AXL: variants seen among roughly 807,000 people sequenced by gnomAD.
AXL encodes the protein tyrosine-protein kinase receptor UFO.
Under a neutral mutation model 104.5 loss-of-function variants are expected in AXL, and 52 were observed. The observed-to-expected ratio is 0.50, with a 90% CI of 0.40 to 0.63. AXL has a LOEUF of 0.63. Among genes scored for constraint, AXL ranks in the 20% least tolerant of loss-of-function variants. AXL has a pLI of 0.00. For missense variants in AXL, 1,024 were observed against 1,188.5 expected (o/e 0.86, Z 2.04); for synonymous variants, 455 against 473.7 (o/e 0.96, Z 0.51).
chr19:41,257,687 C>G, intron 19 of AXL, 58 bp downstream of exon 19: 1 of 1,606,932 alleles, frequency 6.2e-7, no homozygotes, highest in Non-Finnish European at 8.5e-7. Flanking sequence ...TGACTACCCC[C>G]AGATGGCCCT....
At chr19:41,237,848 T>A (rs568741026) in intron 6 of AXL, 96 bp from the exon 7 acceptor site, 118 of 1,185,908 alleles carry the variant, frequency 1.0e-4, no homozygotes, top group Middle Eastern at 3.8e-4. Context: ...CCTTGAAAAG[T>A]TGTGTAGTCA....
chr19:41,238,956 G>A (rs548652827), intron 8 of AXL, among the ~76,000 whole-genome samples: 82 of 152,172 alleles, frequency 5.4e-4, no homozygotes, highest in African/African-American at 1.9e-3. Context: ...CTGACATAGG[G>A]AGGGAGGATG....
At chr19:41,220,923 G>A in intron 2 of AXL, 65 bp downstream of exon 2, 2 of 1,556,296 alleles carry the variant, frequency 1.3e-6, no homozygotes, top group Non-Finnish European at 1.8e-6. Flanking sequence ...AAGCCCACCT[G>A]GGTGGGAACC....
chr19:41,227,097 C>CA (rs2033894740), intron 4 of AXL, among the ~76,000 whole-genome samples: 1 of 151,930 alleles, frequency 6.6e-6, no homozygotes, highest in Non-Finnish European at 1.5e-5. Flanking sequence ...GAACCTGTCT[C>CA]AAAAAACAAA....
intron 4 of AXL, among the ~76,000 whole-genome samples, chr19:41,224,884 G>T (rs1462938896): frequency 6.6e-6 from 1 of 152,106 alleles, no homozygotes; most frequent in Non-Finnish European, 1.5e-5. Context: ...CATGACCTAA[G>T]GATGCTTACC....
At chr19:41,224,017 T>C (rs1203308718) in intron 4 of AXL, among the ~76,000 whole-genome samples, 5 of 151,812 alleles carry the variant, frequency 3.3e-5, no homozygotes, top group African/African-American at 1.2e-4. Context: ...TCAGCTTGGA[T>C]TCTGTCCCAA....
chr19:41,248,913 C>G (rs922273595), intron 14 of AXL, 93 bp downstream of exon 14: 3 of 1,347,270 alleles, frequency 2.2e-6, no homozygotes, highest in Non-Finnish European at 3.0e-6. Flanking sequence ...CTTAGAACTT[C>G]TGGTGTTTCC....
chr19:41,222,656 C>G (rs1454610902), intron 4 of AXL, among the ~76,000 whole-genome samples: 1 of 152,148 alleles, frequency 6.6e-6, no homozygotes, highest in Non-Finnish European at 1.5e-5. Context: ...CCTGTAATCC[C>G]AGCACTTTGG....
intron 14 of AXL, 39 bp from the exon 15 acceptor site, chr19:41,252,312 T>A (rs761162164): frequency 3.2e-6 from 5 of 1,541,026 alleles, no homozygotes; most frequent in Non-Finnish European, 1.8e-6. Context: ...GTCCTCCCTC[T>A]CCTCCCCTCC....
chr19:41,234,987 G>A (rs993025654), intron 6 of AXL, among the ~76,000 whole-genome samples: 4 of 152,194 alleles, frequency 2.6e-5, no homozygotes, highest in African/African-American at 7.2e-5. Context: ...GCCATTCCTC[G>A]GGTGGAATAG....
chr19:41,252,290 G>A lies in AXL; in HGVS notation c.1712-61G>A, dbSNP rs1342541065. ...ATGATGATGATGATGATGGAGTGGA[G>A]GTGGAGGGAGAGTCCTCCCTCTCCT... On this transcript the variant is annotated intron_variant, in intron 14 of 19. Transcript: ENST00000301178. 1.1e-5 allele frequency: 14 copies of A among 1,324,026 alleles called. No individual in the cohort carries two copies. The East Asian group carries it at 3.2e-4, about 31-fold the overall frequency. The allele number at this position is 1,324,026 out of a possible 1,614,324, so 82.0% of individuals were successfully genotyped here.
chr19:41,238,593 G>A lies in AXL; in HGVS notation c.1118G>A (p.Gly373Asp). Residue 373 changes from glycine (G) to aspartate (D), a missense_variant, in exon 8 of 20, where the codon GGC becomes GAC. Physicochemically the swap from Gly to Asp is moderately conservative, Grantham distance 94. Around this residue, in one of 5 missense-constraint regions of AXL, gnomAD observed 332 missense variants for 343.9 expected, o/e 0.97. Transcript: ENST00000301178. Reference protein sequence around the residue: ...TLLGYRLAYQGQDTPEVLMDI... With the variant: ...TLLGYRLAYQDQDTPEVLMDI... ...TTAGGGTACCGGCTGGCGTATCAAG[G>A]CCAGGACACCCCAGAGGTGGGTGCT... is the stretch of plus-strand genomic sequence containing the variant. 1 of 1,611,324 alleles carries A rather than the reference G, an allele frequency of 6.2e-7. No individual in the cohort carries two copies. Among genetic ancestry groups the A allele is most frequent in the Non-Finnish European group, 8.5e-7 (1 of 1,178,236 alleles).
intron 6 of AXL, among the ~76,000 whole-genome samples, chr19:41,232,392 C>T (rs575255772): frequency 4.6e-5 from 7 of 152,272 alleles, no homozygotes; most frequent in South Asian, 2.1e-4. Flanking sequence ...GAGGCCAAGG[C>T]TGGTGGATCA....
In AXL at chr19:41,239,732, C is replaced by T. The variant is rs2034148194; in HGVS notation, c.1312+12C>T. ...AGTCCACCAGCTGGGTAAGGGCTTC[C>T]ACACCCCATCTCCTCCTTCCCTACC... On this transcript the variant is annotated intron_variant, in intron 10 of 19. Coordinates refer to ENST00000301178, the MANE Select transcript of AXL (RefSeq NM_021913.5). 6.2e-7 allele frequency: 1 copy of T among 1,614,118 alleles called. No homozygotes were observed. The highest frequency in any genetic ancestry group is 2.2e-5 in the East Asian group (1 of 44,884).
At chr19:41,240,909 C>G (rs1414549128) in intron 10 of AXL, among the ~76,000 whole-genome samples, 1 of 152,106 alleles carries the variant, frequency 6.6e-6, no homozygotes, top group Non-Finnish European at 1.5e-5. Context: ...CTAATCCCAA[C>G]CCATCTCACT....
intron 6 of AXL, among the ~76,000 whole-genome samples, 172 bp downstream of exon 6, chr19:41,231,470 G>A (rs1438912229): frequency 6.6e-6 from 1 of 152,138 alleles, no homozygotes; most frequent in Non-Finnish European, 1.5e-5. Context: ...ACCACCTTCT[G>A]GCTGTGTGAC....
chr19:41,228,229 G>A (rs531175920), intron 4 of AXL, among the ~76,000 whole-genome samples: 1 of 152,154 alleles, frequency 6.6e-6, no homozygotes, highest in African/African-American at 2.4e-5. Flanking sequence ...ACCACGTTAG[G>A]GAGGGAAGGC....
intron 4 of AXL, among the ~76,000 whole-genome samples, chr19:41,227,842 A>C (rs1040709294): frequency 6.6e-6 from 1 of 152,096 alleles, no homozygotes; most frequent in Non-Finnish European, 1.5e-5. Context: ...TGAGCACTGC[A>C]GTACCAGGAC....
Position 41,239,346 on chromosome 19 carries a change from AC to A in AXL, c.1285+35del, listed in dbSNP as rs554168971. On this transcript the variant is annotated intron_variant, in intron 9 of 19. Coordinates refer to ENST00000301178, the MANE Select transcript of AXL (RefSeq NM_021913.5). ...CCAAAGCCATGCCCAACCTGCTTCA[AC>A]CCTGTCTCTCCCTGACAGCCCTGAC... 381 of 1,540,356 alleles carry A rather than the reference AC, an allele frequency of 2.5e-4. 1 individual carries two copies. The African/African-American group carries it at 4.6e-3, about 18-fold the overall frequency.
Sources: allele counts gnomAD v4.1 joint callset (sites outside exome capture counted in the v4.1 genomes callset), GRCh38; gene constraint gnomAD v4.1.1; regional missense constraint gnomAD v4.1.1; transcripts MANE v1.5; gene names NCBI Gene and HGNC (gene_info 2026-07-23, HGNC 2026-07-21).